Variants in ADARB2 observed in about 807,000 individuals in gnomAD.
ADARB2 encodes the protein adenosine deaminase RNA specific B2 (inactive).
A neutral mutation model predicts 62.2 loss-of-function variants in ADARB2; 25 were observed. The ratio of observed to expected loss-of-function variants is 0.40; its 90% CI spans 0.29 to 0.56. ADARB2 has a LOEUF of 0.56. Ranked by LOEUF, ADARB2 falls within the 20% of genes least tolerant of loss-of-function variation. The pLI, the probability that ADARB2 is intolerant of heterozygous loss-of-function variation, is 0.43. For synonymous variants in ADARB2, 572 were observed against 500.8 expected (o/e 1.14, Z -1.90); for missense variants, 1,071 against 1,077.4 (o/e 0.99, Z 0.08).
intron 3 of ADARB2, among the ~76,000 whole-genome samples, chr10:1,295,774 A>AT (rs1235718689): frequency 6.6e-6 from 1 of 152,322 alleles, no homozygotes; most frequent in African/African-American, 2.4e-5. Context: ...CTTTCAAAAT[A>AT]TTTTTCAGAA....
chr10:1,711,346 GGTGCCATGCT>G (rs1438110381), intron 1 of ADARB2, among the ~76,000 whole-genome samples: 9 of 152,142 alleles, frequency 5.9e-5, no homozygotes, highest in African/African-American at 2.2e-4. Flanking sequence ...CTGGACACCC[GGTGCCATGCT>G]GAGGTCACAG....
At chr10:1,206,884 C>T (rs974923424) in intron 7 of ADARB2, among the ~76,000 whole-genome samples, 1 of 152,182 alleles carries the variant, frequency 6.6e-6, no homozygotes, top group African/African-American at 2.4e-5. Flanking sequence ...TGGGCCGGGT[C>T]CCCCCAGGAA....
At chr10:1,724,599 C>G (rs1264303353) in intron 1 of ADARB2, among the ~76,000 whole-genome samples, 4 of 152,218 alleles carry the variant, frequency 2.6e-5, no homozygotes, top group African/African-American at 9.6e-5. Context: ...ATTTCCATGG[C>G]CAGGGTCCCA....
chr10:1,350,844 C>T (rs1270229300), intron 3 of ADARB2, among the ~76,000 whole-genome samples: 1 of 152,158 alleles, frequency 6.6e-6, no homozygotes, highest in Non-Finnish European at 1.5e-5. Flanking sequence ...TACACCTCGC[C>T]TTCAAGGTGT....
In ADARB2 at chr10:1,179,159, T is replaced by C. The variant is rs1029813862; in HGVS notation, c.*4034A>G. On this transcript the variant is annotated 3_prime_UTR_variant, in exon 10 of 10. Transcript: ENST00000381312. Reference sequence around the variant, plus strand: ...AAAATAACTATTCTGGGCATTGATATCCTCTGTATTTACTGTTTATGGCTC... The same window carrying C: ...AAAATAACTATTCTGGGCATTGATACCCTCTGTATTTACTGTTTATGGCTC... The C allele has an allele frequency of 2.6e-5, 4 of 152,166 alleles. No homozygotes were observed. Among genetic ancestry groups the C allele is most frequent in the Non-Finnish European group, 5.9e-5 (4 of 68,036 alleles). The allele number at this position is 152,166 out of a possible 1,614,324, so 9.4% of individuals were successfully genotyped here.
chr10:1,576,014 T>C (rs1303645620), intron 1 of ADARB2, among the ~76,000 whole-genome samples: 317 of 20,962 alleles, frequency 0.015, no homozygotes, highest in African/African-American at 0.02. Flanking sequence ...TCAGGATCCA[T>C]GGGAGGGGGC....
chr10:1,262,171 T>A (rs1372739341), intron 4 of ADARB2, among the ~76,000 whole-genome samples: 8 of 138,592 alleles, frequency 5.8e-5, no homozygotes, highest in African/African-American at 2.3e-4. Flanking sequence ...AGGGATAGCA[T>A]TGGGAGATAT....
intron 5 of ADARB2, chr10:1,240,275 T>TCTGCATCCCGGTGTTTACTCCCCC: frequency 1.2e-5 from 1 of 82,426 alleles, no homozygotes; most frequent in East Asian, 5.6e-4. Flanking sequence ...TTTACTCCCC[T>TCTGCATCCCGGTGTTTACTCCCCC]CTGCCTCCCG....
At chr10:1,462,202 C>T (rs1831183353) in intron 1 of ADARB2, among the ~76,000 whole-genome samples, 1 of 152,120 alleles carries the variant, frequency 6.6e-6, no homozygotes, top group Non-Finnish European at 1.5e-5. Flanking sequence ...AACCCTCAGC[C>T]AGAGCCTGCC....
At chr10:1,734,083 T>A (rs1183132854) in intron 1 of ADARB2, among the ~76,000 whole-genome samples, 1 of 152,126 alleles carries the variant, frequency 6.6e-6, no homozygotes. Context: ...ATAAAAAATT[T>A]AAACCATTTA....
rs879943595 is a variant in ADARB2, at chr10:1,685,636, TGGACTGA to T, written c.100+51408_100+51414del. 9.3e-4 allele frequency among the ~76,000 whole-genome samples: 141 copies of T among 152,350 alleles called. 2 individuals carry two copies. Among genetic ancestry groups the T allele is most frequent in the Non-Finnish European group, 1.8e-3 (122 of 68,028 alleles). ...GGTTTTTGCTTACTACATTAAAATG[TGGACTGA>T]CCTTTCTCACTTTGCATACAGCACA... On this transcript the variant is annotated intron_variant, in intron 1 of 9. Transcript: ENST00000381312.
At chr10:1,498,521 C>G (rs888689712) in intron 1 of ADARB2, among the ~76,000 whole-genome samples, 11 of 151,532 alleles carry the variant, frequency 7.3e-5, no homozygotes, top group Non-Finnish European at 1.6e-4. Flanking sequence ...CATTTATAAA[C>G]AAGAGAAATT....
chr10:1,585,412 C>A (rs1334734845), intron 1 of ADARB2, among the ~76,000 whole-genome samples: 3 of 152,150 alleles, frequency 2.0e-5, no homozygotes, highest in Non-Finnish European at 2.9e-5. Flanking sequence ...ATGCTTCCCT[C>A]GTGATTTGCC....
At chr10:1,437,265 CAT>C (rs1456757832) in intron 1 of ADARB2, among the ~76,000 whole-genome samples, 60 of 20,848 alleles carry the variant, frequency 2.9e-3, no homozygotes, top group African/African-American at 7.8e-3. Context: ...CACACACACA[CAT>C]GCACATATAT....
intron 1 of ADARB2, among the ~76,000 whole-genome samples, chr10:1,513,359 G>A (rs960295414): frequency 7.2e-5 from 11 of 152,178 alleles, no homozygotes; most frequent in South Asian, 2.1e-4. Context: ...CGGGATGACC[G>A]CCACCATCAG....
intron 1 of ADARB2, among the ~76,000 whole-genome samples, chr10:1,474,290 C>A (rs546472755): frequency 6.6e-6 from 1 of 152,190 alleles, no homozygotes; most frequent in Non-Finnish European, 1.5e-5. Flanking sequence ...CGTTCCCGGC[C>A]CTCTGGGACG....
intron 1 of ADARB2, among the ~76,000 whole-genome samples, chr10:1,601,764 T>C (rs901407562): frequency 3.3e-5 from 5 of 152,138 alleles, no homozygotes; most frequent in African/African-American, 1.2e-4. Context: ...TCCGGGGTAC[T>C]TCCATGCATC....
intron 3 of ADARB2, among the ~76,000 whole-genome samples, chr10:1,281,450 G>T (rs138599100): frequency 6.6e-6 from 1 of 152,244 alleles, no homozygotes; most frequent in Non-Finnish European, 1.5e-5. Context: ...AGCACCATGC[G>T]CTTATATGCT....
rs938427680 is a variant in ADARB2, at chr10:1,224,263, T to C, written c.1514-7144A>G. 6.8e-4 allele frequency among the ~76,000 whole-genome samples: 104 copies of C among 152,332 alleles called. 2 individuals are homozygous for C. Among genetic ancestry groups the C allele is most frequent in the Non-Finnish European group, 5.9e-4 (40 of 68,038 alleles). ...GTAGTTTGTATTTCTGTGGGATCGG[T>C]GGTGATATCCCCTTTATCATTTTTT... On this transcript the variant is annotated intron_variant, in intron 6 of 9. Coordinates refer to ENST00000381312, the MANE Select transcript of ADARB2 (RefSeq NM_018702.4).
Sources: allele counts gnomAD v4.1 joint callset (sites outside exome capture counted in the v4.1 genomes callset), GRCh38; gene constraint gnomAD v4.1.1; transcripts MANE v1.5; gene names NCBI Gene and HGNC (gene_info 2026-07-23, HGNC 2026-07-21).